The following CASKIN2 variants were observed in gnomAD, a reference collection of about 807,000 sequenced individuals.
The protein encoded by CASKIN2 is CASK interacting protein 2.
Under a neutral mutation model 107.1 loss-of-function variants are expected in CASKIN2, and 41 were observed. The ratio of observed to expected loss-of-function variants is 0.38; its 90% confidence interval spans 0.30 to 0.50. CASKIN2 has a LOEUF of 0.50. Among genes scored for constraint, CASKIN2 ranks in the 20% least tolerant of loss-of-function variants. CASKIN2 has a pLI of 0.92. For missense variants in CASKIN2, 1,546 were observed against 1,657.4 expected (o/e 0.93, Z 1.17); for synonymous variants, 724 against 705.6 (o/e 1.03, Z -0.41).
rs766477524 is a variant in CASKIN2, at chr17:75,503,226, C to T, written c.1848G>A (p.Val616=). ...LGHQKKLMLG[V]KRLAELRRGL... ...CCCGCCGAAGCTCCGCCAGCCGCTT[C>T]ACCCCCAGCATGAGCTTCTTCTGAT... The change falls in exon 18 of 20, where the codon GTG becomes GTA. Residue 616 remains valine, a synonymous_variant. Transcript: ENST00000321617. The T allele has an allele frequency of 6.3e-6, 10 of 1,596,124 alleles. No individual in the cohort carries two copies. In the East Asian group the frequency reaches 1.8e-4, roughly 29 times the overall value.
Position 75,502,283 on chromosome 17 carries a change from C to T in CASKIN2, c.2791G>A (p.Glu931Lys). 1.3e-6 allele frequency: 2 copies of T among 1,514,554 alleles called. No individual in the cohort carries two copies. Among genetic ancestry groups the T allele is most frequent in the South Asian group, 1.3e-5 (1 of 76,990 alleles). The allele number at this position is 1,514,554 out of a possible 1,614,324, so 93.8% of individuals were successfully genotyped here. The stretch of plus-strand genomic sequence containing the variant: ...GTCCCCTCAGGGCCTGGCTCCTCCT[C>T]CTCCGTGTCTGACGCGGGCCCAGCC... ...APAGPASDTE[E>K]EEPGPEGTPP... The change falls in exon 18 of 20, where the codon GAG becomes AAG. Residue 931 changes from glutamate to lysine, a missense_variant. Glu to Lys is a moderately conservative substitution (Grantham distance 56, BLOSUM62 1). Around this residue, in one of 6 missense-constraint regions of CASKIN2, gnomAD observed 1,311 missense variants for 1,311.0 expected, o/e 1.00. Coordinates refer to ENST00000321617, the MANE Select transcript of CASKIN2 (RefSeq NM_020753.5). This position sits in a 1 kb window ranked among gnomAD's most constrained non-coding sequence, Gnocchi z 4.3.
Position 75,505,652 on chromosome 17 carries a change from C to CT in CASKIN2, c.836-2dup. On this transcript the variant is annotated splice_acceptor_variant, in intron 9 of 19. Coordinates refer to ENST00000321617, the MANE Select transcript of CASKIN2 (RefSeq NM_020753.5). LOFTEE classifies it high-confidence loss of function. The surrounding 1 kb of genome is among the most constrained non-coding windows in gnomAD (Gnocchi z 5.1). ...CGGACCTTCAGGATCCCTGAGGCCT[C>CT]TAAGAAAACGGGGTGGGGGACAGGT... 1 of 1,612,756 alleles carries CT rather than the reference C, an allele frequency of 6.2e-7. No homozygotes were observed. Among genetic ancestry groups the CT allele is most frequent in the Non-Finnish European group, 8.5e-7 (1 of 1,179,754 alleles).
Position 75,502,441 on chromosome 17 carries a change from G to A in CASKIN2, c.2633C>T (p.Ser878Phe). The A allele has an allele frequency of 6.9e-7, 1 of 1,441,838 alleles. No individual in the cohort carries two copies. The highest frequency in any genetic ancestry group is 9.1e-7 in the Non-Finnish European group (1 of 1,093,242). The allele number at this position is 1,441,838 out of a possible 1,614,324, so 89.3% of individuals were successfully genotyped here. Residue 878 changes from serine to phenylalanine, a missense_variant, in exon 18 of 20, where the codon TCC becomes TTC. Transcript: ENST00000321617. This position sits in a 1 kb window ranked among gnomAD's most constrained non-coding sequence, Gnocchi z 4.3. The part of the protein sequence containing the change: ...PPPPPPKRLS[S>F]VSGPSPEPPP... ...TGGCTCCGGGCTGGGGCCAGAGACG[G>A]AGCTGAGGCGCTTGGGGGGCGGGGG... is the stretch of plus-strand genomic sequence containing the variant.
chr17:75,507,943 G>C (rs2053283064), intron 3 of CASKIN2: 2 of 582,804 alleles, frequency 3.4e-6, no homozygotes, highest in Non-Finnish European at 6.1e-6. Flanking sequence ...GAGCCTGAGG[G>C]CTCCTACCCT....
rs1567994628 is a variant in CASKIN2, at chr17:75,504,659, GCTGCCCTCA to G, written c.1218_1226del (p.Glu407_Ser409del). On this transcript the variant is annotated inframe_deletion, in exon 12 of 20. Coordinates refer to ENST00000321617, the MANE Select transcript of CASKIN2 (RefSeq NM_020753.5). ...TGCCGGCACTGCGGATGCTGCCCAC[GCTGCCCTCA>G]CTGCCCACACTATTCCTGTCACCTG... 6.2e-7 allele frequency: 1 copy of G among 1,604,298 alleles called. No individual in the cohort carries two copies. The highest frequency in any genetic ancestry group is 1.7e-5 in the Admixed American group (1 of 59,148).
At position 75,504,701 on chromosome 17, in the gene CASKIN2, G is replaced by T; in HGVS notation, c.1193-8C>A. On this transcript the variant is annotated splice_polypyrimidine_tract_variant and splice_region_variant and intron_variant, in intron 11 of 19. Coordinates refer to ENST00000321617, the MANE Select transcript of CASKIN2 (RefSeq NM_020753.5). ...CACTATTCCTGTCACCTGCTGTGGG[G>T]GGCAGAAGCCAAGGGGTCAGAGTCC... 1 of 1,587,928 alleles carries T rather than the reference G, an allele frequency of 6.3e-7. No individual in the cohort carries two copies. The highest frequency in any genetic ancestry group is 2.3e-5 in the East Asian group (1 of 44,140).
At position 75,502,292 on chromosome 17, in the gene CASKIN2, C is replaced by T; in HGVS notation, c.2782G>A (p.Asp928Asn). Residue 928 changes from aspartate (D) to asparagine (N), a missense_variant, in exon 18 of 20, where the codon GAC becomes AAC. By Grantham distance (23) the Asp-to-Asn change is conservative. This residue lies in a region of CASKIN2 where 1,311 missense variants were observed against 1,311.0 expected (regional missense o/e 1.00). Coordinates refer to ENST00000321617, the MANE Select transcript of CASKIN2 (RefSeq NM_020753.5). This position sits in a 1 kb window ranked among gnomAD's most constrained non-coding sequence, Gnocchi z 4.3. ...GPPAPAGPAS[D>N]TEEEEPGPEG... ...GGGCCTGGCTCCTCCTCCTCCGTGT[C>T]TGACGCGGGCCCAGCCGGGGCAGGT... 1.3e-6 allele frequency: 2 copies of T among 1,503,626 alleles called. No homozygotes were observed. Among genetic ancestry groups the T allele is most frequent in the East Asian group, 2.3e-5 (1 of 43,004 alleles). 93.1% of individuals were successfully genotyped at this position (1,503,626 alleles called of 1,614,324 possible). A position where few individuals can be genotyped will look rare whatever the true frequency, so the allele number is the denominator to read the frequency against.
In CASKIN2 at chr17:75,503,953, C is replaced by T. The variant is rs557204985; in HGVS notation, c.1477G>A (p.Ala493Thr). The T allele has an allele frequency of 3.1e-6, 5 of 1,610,704 alleles. No individual in the cohort carries two copies. The African/African-American group carries it at 6.7e-5, about 21-fold the overall frequency. The change falls in exon 15 of 20, where the codon GCC becomes ACC. Residue 493 changes from alanine to threonine, a missense_variant. Transcript: ENST00000321617. ...AACTCGCTTAGCCAGTTATGAATGG[C>T]CTGCGCGTCCTGCGGGGTGGGGGAA... ...EQLLEGKDAQ[A>T]IHNWLSEFQL...
rs1312996787 is a variant in CASKIN2, at chr17:75,506,716, G to A, written c.487-3C>T. 6.2e-7 allele frequency: 1 copy of A among 1,613,558 alleles called. No individual in the cohort carries two copies. Among genetic ancestry groups the A allele is most frequent in the East Asian group, 2.2e-5 (1 of 44,874 alleles). ...CTGTTCAGAAGCAGCTGGGCCACCT[G>A]CAGCACCCAGTGCCCAGTTAGAGCC... On this transcript the variant is annotated splice_region_variant and splice_polypyrimidine_tract_variant and intron_variant, in intron 6 of 19. Transcript: ENST00000321617. The surrounding 1 kb of genome is among the most constrained non-coding windows in gnomAD (Gnocchi z 4.8).
In CASKIN2 at chr17:75,503,426, G is replaced by T. The variant is rs1276399181; in HGVS notation, c.1782C>A (p.Thr594=). 1 of 1,612,914 alleles carries T rather than the reference G, an allele frequency of 6.2e-7. No homozygotes were observed. The highest frequency in any genetic ancestry group is 8.5e-7 in the Non-Finnish European group (1 of 1,179,940). ...CCCCAATCTCCTGCAGCTCCTCCCA[G>T]GTGAGGTCGGCCACCAGCCCCATGG... ...YDSMGLVADL[T]WEELQEIGVN... is the part of the protein sequence containing the mutation. The change falls in exon 17 of 20, where the codon ACC becomes ACA. Residue 594 remains threonine, a synonymous_variant. Coordinates refer to ENST00000321617, the MANE Select transcript of CASKIN2 (RefSeq NM_020753.5).
Position 75,500,783 on chromosome 17 carries a change from A to C in CASKIN2, c.*297T>G. ...CCCCACCCCTACTTCCTCCCTGAGG[A>C]GAGAGCTCTTACCAGGGTCCCTGTC... On this transcript the variant is annotated 3_prime_UTR_variant, in exon 20 of 20. Transcript: ENST00000321617. The C allele has an allele frequency of 2.7e-6, 1 of 370,276 alleles. No homozygotes were observed. Among genetic ancestry groups the C allele is most frequent in the Non-Finnish European group, 5.0e-6 (1 of 198,218 alleles). 22.9% of individuals were successfully genotyped at this position (370,276 alleles called of 1,614,324 possible).
chr17:75,500,957 C>T lies in CASKIN2; in HGVS notation c.*123G>A. Reference sequence around the variant, plus strand: ...GCCGCGGGCTGAGTGGGAAGGGGCCCTGCTAGGAGGGGCACTTCAGCCTGA... The same window carrying T: ...GCCGCGGGCTGAGTGGGAAGGGGCCTTGCTAGGAGGGGCACTTCAGCCTGA... On this transcript the variant is annotated 3_prime_UTR_variant, in exon 20 of 20. Coordinates refer to ENST00000321617, the MANE Select transcript of CASKIN2 (RefSeq NM_020753.5). 2.1e-6 allele frequency: 2 copies of T among 930,268 alleles called. No homozygotes were observed. The highest frequency in any genetic ancestry group is 3.3e-6 in the Non-Finnish European group (2 of 607,982). The allele number at this position is 930,268 out of a possible 1,614,324, so 57.6% of individuals were successfully genotyped here.
Position 75,504,969 on chromosome 17 carries a change from G to C in CASKIN2, c.1035C>G (p.Val345=), listed in dbSNP as rs138464913. ...GYFPPGIVEV[V]SKRVGIPAAR... Reference sequence around the variant, plus strand: ...CTGCAGGGATGCCCACCCGCTTGCTGACCACCTCGACAATGCCCGGGGGGA... The same window carrying C: ...CTGCAGGGATGCCCACCCGCTTGCTCACCACCTCGACAATGCCCGGGGGGA... Residue 345 remains valine, a synonymous_variant, in exon 11 of 20, where the codon GTC becomes GTG. Coordinates refer to ENST00000321617, the MANE Select transcript of CASKIN2 (RefSeq NM_020753.5). 21 of 1,612,082 alleles carry C rather than the reference G, an allele frequency of 1.3e-5. No individual in the cohort carries two copies. Among genetic ancestry groups the C allele is most frequent in the Non-Finnish European group, 1.8e-5 (21 of 1,179,658 alleles).
rs746776375 is a variant in CASKIN2 at position 75,501,513 on chromosome 17, G to A, written c.3473C>T (p.Ala1158Val). 2 of 1,612,442 alleles carry A rather than the reference G, an allele frequency of 1.2e-6. No homozygotes were observed. The highest frequency in any genetic ancestry group is 1.1e-5 in the South Asian group (1 of 91,060). Residue 1158 changes from alanine (A) to valine (V), a missense_variant, in exon 19 of 20, where the codon GCA becomes GTA. Physicochemically the swap from Ala to Val is moderately conservative, Grantham distance 64 (BLOSUM62 0). Around this residue, in one of 6 missense-constraint regions of CASKIN2, gnomAD observed 1,311 missense variants for 1,311.0 expected, o/e 1.00. Transcript: ENST00000321617. ...AATGCTCTTCTCTGCGGCTCTCAGTGCAGCTGCCAGGGACGAGCTGGTCTG... is the reference window on the plus strand; with the variant it reads ...AATGCTCTTCTCTGCGGCTCTCAGTACAGCTGCCAGGGACGAGCTGGTCTG... Reference protein sequence around the residue: ...LEQTSSSLAAALRAAEKSIGT... With the variant: ...LEQTSSSLAAVLRAAEKSIGT...
intron 3 of CASKIN2, 63 bp from the exon 4 acceptor site, chr17:75,507,744 C>A: frequency 7.9e-7 from 1 of 1,269,924 alleles, no homozygotes; most frequent in South Asian, 1.3e-5. Context: ...AAATCCTGGT[C>A]TTCCATACCC....
intron 2 of CASKIN2, among the ~76,000 whole-genome samples, chr17:75,509,394 C>T (rs984865329): frequency 2.0e-5 from 3 of 152,234 alleles, no homozygotes; most frequent in African/African-American, 7.2e-5. Context: ...CCCCAGTAGC[C>T]TGGGGAAGAC....
At chr17:75,509,627 G>C in intron 2 of CASKIN2, 4 of 985,618 alleles carry the variant, frequency 4.1e-6, no homozygotes, top group Non-Finnish European at 4.8e-6. Context: ...TTGTCATACA[G>C]AACCATTTGA....
chr17:75,502,634 C>T lies in CASKIN2; in HGVS notation c.2440G>A (p.Glu814Lys), dbSNP rs1386352799. Residue 814 changes from glutamate to lysine, a missense_variant, in exon 18 of 20, where the codon GAG (glutamate) becomes AAG (lysine). This residue lies in a region of CASKIN2 where 1,311 missense variants were observed against 1,311.0 expected (regional missense o/e 1.00). Transcript: ENST00000321617. The surrounding 1 kb of genome is among the most constrained non-coding windows in gnomAD (Gnocchi z 4.3). ...GTGCTGCCCACTGGCCCTTCGGCCT[C>T]CCCCTCAGCATCCCCCTCTGTGGGG... ...PGPTEGDAEG[E>K]AEGPVGSTLG... is the part of the protein sequence containing the mutation. 2 of 1,605,384 alleles carry T rather than the reference C, an allele frequency of 1.2e-6. No homozygotes were observed. The highest frequency in any genetic ancestry group is 1.7e-5 in the Admixed American group (1 of 59,248).
intron 2 of CASKIN2, among the ~76,000 whole-genome samples, chr17:75,508,910 G>A (rs2053293386): frequency 6.6e-6 from 1 of 152,242 alleles, no homozygotes; most frequent in Admixed American, 6.5e-5. Context: ...CATATGCAAA[G>A]ACAGGAGCTC....
Sources: allele counts gnomAD v4.1 joint callset (sites outside exome capture counted in the v4.1 genomes callset), GRCh38; gene constraint gnomAD v4.1.1; regional missense constraint gnomAD v4.1.1; non-coding constraint Gnocchi (gnomAD v3.1); transcripts MANE v1.5; gene names NCBI Gene and HGNC (gene_info 2026-07-23, HGNC 2026-07-21).